The following ADAMTS6 variants were observed in gnomAD, a reference collection of about 807,000 sequenced individuals.
ADAMTS6 encodes the protein ADAM metallopeptidase with thrombospondin type 1 motif 6.
In ADAMTS6, 23 loss-of-function variants were observed where a neutral mutation model predicts 144.3. That is an observed-to-expected ratio of 0.16 (90% CI 0.11 to 0.23). The LOEUF is 0.23. ADAMTS6 is among the 10% of genes least tolerant of loss of function. ADAMTS6 has a pLI of 1.00. For missense variants in ADAMTS6, 999 were observed against 1,379.6 expected (o/e 0.72, Z 4.37); for synonymous variants, 444 against 457.5 (o/e 0.97, Z 0.38).
At chr5:65,257,773 G>A (rs1760815705) in intron 14 of ADAMTS6, among the ~76,000 whole-genome samples, 1 of 152,004 alleles carries the variant, frequency 6.6e-6, no homozygotes, top group African/African-American at 2.4e-5. Context: ...AGCTTCCTGT[G>A]GGACAAAGTC....
intron 1 of ADAMTS6, among the ~76,000 whole-genome samples, chr5:65,477,047 T>C (rs1760889628): frequency 6.6e-6 from 1 of 152,322 alleles, no homozygotes; most frequent in Middle Eastern, 3.4e-3. Flanking sequence ...CAGGTAAAAA[T>C]TTATAGAGAG....
At chr5:65,477,738 T>G (rs1193507109) in intron 1 of ADAMTS6, among the ~76,000 whole-genome samples, 1 of 151,364 alleles carries the variant, frequency 6.6e-6, no homozygotes, top group Non-Finnish European at 1.5e-5. Context: ...CTTTCTCCTT[T>G]ATCACTCCCT....
intron 7 of ADAMTS6, among the ~76,000 whole-genome samples, chr5:65,436,692 C>T (rs1757439417): frequency 7.8e-6 from 1 of 128,554 alleles, no homozygotes; most frequent in African/African-American, 2.8e-5. Flanking sequence ...TAAAAAAAAC[C>T]AAAAAACAAA....
intron 11 of ADAMTS6, among the ~76,000 whole-genome samples, chr5:65,281,249 A>G (rs1410417866): frequency 6.6e-6 from 1 of 152,180 alleles, no homozygotes; most frequent in East Asian, 1.9e-4. Context: ...CACCTAAGCT[A>G]CTTTCCCATT....
In ADAMTS6 at chr5:65,329,496, A is replaced by G. The variant is rs1746502162; in HGVS notation, c.1118-13T>C. The G allele has an allele frequency of 6.9e-6, 11 of 1,599,722 alleles. No individual in the cohort carries two copies. The highest frequency in any genetic ancestry group is 9.4e-6 in the Non-Finnish European group (11 of 1,174,164). On this transcript the variant is annotated splice_polypyrimidine_tract_variant and intron_variant, in intron 8 of 24. Coordinates refer to ENST00000381055, the MANE Select transcript of ADAMTS6 (RefSeq NM_197941.4). Reference sequence around the variant, plus strand: ...ACAGAGGCCAAGCCTGAATAAACAGAAAGAGACACAAAGGGTCAAGCCAAG... The same window carrying G: ...ACAGAGGCCAAGCCTGAATAAACAGGAAGAGACACAAAGGGTCAAGCCAAG...
intron 7 of ADAMTS6, among the ~76,000 whole-genome samples, chr5:65,446,817 G>T (rs1758302545): frequency 6.6e-6 from 1 of 152,142 alleles, no homozygotes. Context: ...TGGGGACTGA[G>T]GGGAATGTAG....
chr5:65,412,297 A>C (rs1016586832), intron 7 of ADAMTS6, among the ~76,000 whole-genome samples: 16 of 152,172 alleles, frequency 1.1e-4, no homozygotes, highest in African/African-American at 3.9e-4. Context: ...ACTAAGACTA[A>C]TGCAAAGTCT....
rs148256355 is a variant in ADAMTS6 at position 65,272,702 on chromosome 5, T to C, written c.1620+638A>G. On this transcript the variant is annotated intron_variant, in intron 12 of 24. Transcript: ENST00000381055. ...TGGGAGGCTGAGGTGGGCAGATCAC[T>C]TGAGCTCAGGAGTTCGAGACCAGCC... 3.0e-3 allele frequency among the ~76,000 whole-genome samples: 453 copies of C among 152,128 alleles called. 3 individuals are homozygous for C. Among genetic ancestry groups the C allele is most frequent in the African/African-American group, 0.01 (420 of 41,484 alleles).
Position 65,214,748 on chromosome 5 carries a change from G to A in ADAMTS6, c.2575+46C>T, listed in dbSNP as rs369825879. 3.1e-6 allele frequency: 5 copies of A among 1,613,072 alleles called. No individual in the cohort carries two copies. The African/African-American group carries it at 4.0e-5, about 13-fold the overall frequency. On this transcript the variant is annotated intron_variant, in intron 20 of 24. Coordinates refer to ENST00000381055, the MANE Select transcript of ADAMTS6 (RefSeq NM_197941.4). This position sits in a 1 kb window ranked among gnomAD's most constrained non-coding sequence, Gnocchi z 4.6. ...CAAAGCATAGCTCAGAATGTGTTTT[G>A]TTCTCCATCTTGCCCTCTGGGTGGG... is the stretch of plus-strand genomic sequence containing the variant.
intron 20 of ADAMTS6, chr5:65,210,607 C>T: frequency 3.2e-6 from 2 of 615,558 alleles, no homozygotes; most frequent in South Asian, 3.5e-5. Context: ...TTTTGGCACC[C>T]CAAAGGAAGC....
chr5:65,174,832 A>G (rs1753868889), intron 22 of ADAMTS6, among the ~76,000 whole-genome samples: 1 of 152,116 alleles, frequency 6.6e-6, no homozygotes, highest in African/African-American at 2.4e-5. Flanking sequence ...TTTGTCTCGA[A>G]GAAGCATGGG....
intron 7 of ADAMTS6, among the ~76,000 whole-genome samples, chr5:65,371,748 T>G (rs1250945070): frequency 1.3e-5 from 2 of 151,898 alleles, no homozygotes; most frequent in Non-Finnish European, 2.9e-5. Flanking sequence ...AGGCCAACAT[T>G]CAGATGCAGG....
chr5:65,160,019 C>T (rs1229810521), intron 24 of ADAMTS6, among the ~76,000 whole-genome samples: 1 of 152,116 alleles, frequency 6.6e-6, no homozygotes, highest in African/African-American at 2.4e-5. Flanking sequence ...TAATTTTTTT[C>T]ATAATGAAAT....
chr5:65,474,994 TA>T (rs1760746633), intron 1 of ADAMTS6, among the ~76,000 whole-genome samples: 1 of 152,024 alleles, frequency 6.6e-6, no homozygotes, highest in Non-Finnish European at 1.5e-5. Context: ...ATGCGTTTAA[TA>T]AGGTAAGTTA....
At chr5:65,471,524 G>T (rs986773869) in intron 2 of ADAMTS6, among the ~76,000 whole-genome samples, 9 of 152,034 alleles carry the variant, frequency 5.9e-5, no homozygotes, top group Admixed American at 5.2e-4. Flanking sequence ...ATCCAAAAAA[G>T]AATCTCTATA....
At chr5:65,373,613 T>A (rs1751202316) in intron 7 of ADAMTS6, among the ~76,000 whole-genome samples, 1 of 152,100 alleles carries the variant, frequency 6.6e-6, no homozygotes, top group African/African-American at 2.4e-5. Flanking sequence ...GTGGCAATAA[T>A]CAATAGCTTA....
intron 11 of ADAMTS6, among the ~76,000 whole-genome samples, chr5:65,284,098 A>T (rs533141014): frequency 1.3e-5 from 2 of 152,296 alleles, no homozygotes; most frequent in South Asian, 4.1e-4. Flanking sequence ...CAACTAACAT[A>T]CAATTATATG....
intron 12 of ADAMTS6, among the ~76,000 whole-genome samples, chr5:65,272,057 G>C (rs1429239983): frequency 6.6e-6 from 1 of 152,094 alleles, no homozygotes; most frequent in Non-Finnish European, 1.5e-5. Flanking sequence ...CATGGCACTA[G>C]GTCATGGGTC....
At chr5:65,468,902 A>C (rs143700693) in intron 3 of ADAMTS6, among the ~76,000 whole-genome samples, 109 of 152,274 alleles carry the variant, frequency 7.2e-4, no homozygotes, top group African/African-American at 2.3e-3. Flanking sequence ...ATACCATTAG[A>C]TATCTTTAAC....
Sources: gnomAD v4.1 joint callset for allele counts (sites outside exome capture counted in the v4.1 genomes callset) on GRCh38, gnomAD v4.1.1 for gene constraint, Gnocchi (gnomAD v3.1) non-coding constraint, MANE v1.5 for transcripts, NCBI Gene and HGNC (gene_info 2026-07-23, HGNC 2026-07-21) for gene names.